OPRM1: variants seen among roughly 807,000 people sequenced by gnomAD.
The protein encoded by OPRM1 is mu-type opioid receptor.
A neutral mutation model predicts 31.8 loss-of-function variants in OPRM1; 27 were observed. That is an observed-to-expected ratio of 0.85 (90% CI 0.63 to 1.17). The LOEUF (loss-of-function observed/expected upper bound fraction) is 1.17. Among genes scored for constraint, OPRM1 ranks in the 50% most tolerant of loss-of-function variants. The pLI is 0.00. For synonymous variants in OPRM1, 196 were observed against 189.9 expected (o/e 1.03, Z -0.26); for missense variants, 536 against 511.1 (o/e 1.05, Z -0.47).
chr6:154,113,323 T>C (rs117573216), intron 3 of OPRM1, among the ~76,000 whole-genome samples: 299 of 152,310 alleles, frequency 2.0e-3, no homozygotes, highest in Non-Finnish European at 3.2e-3. Context: ...CAGCCCTCTT[T>C]ACCTAGGGGA....
At chr6:154,136,595 C>T (rs1021678622), downstream of OPRM1, among the ~76,000 whole-genome samples, 7 of 152,196 alleles carry the variant, frequency 4.6e-5, no homozygotes, top group Admixed American at 2.0e-4. Flanking sequence ...CCCTCAGCCC[C>T]TCCGCTTGGT....
At chr6:154,099,308 A>G (rs9384176) in intron 3 of OPRM1, among the ~76,000 whole-genome samples, 17,715 of 86,830 alleles carry the variant, frequency 0.2, 1,806 homozygotes, top group South Asian at 0.29. Flanking sequence ...AGGAAGGAAG[A>G]AAGGAAGGAA....
chr6:154,244,429 A>G (rs1429124277), intron 3 of OPRM1, among the ~76,000 whole-genome samples: 1 of 152,084 alleles, frequency 6.6e-6, no homozygotes, highest in Non-Finnish European at 1.5e-5. Flanking sequence ...TTCCCTAGCC[A>G]GATAGCGGCA....
Position 154,066,192 on chromosome 6 carries a change from G to T in OPRM1, c.291-23634G>T, listed in dbSNP as rs1327067100. ...TGACAATATTTTGCTGAGGATTTTTGCTTCAATTTTTATAAGGGACATTGG... is the reference window on the plus strand; with the variant it reads ...TGACAATATTTTGCTGAGGATTTTTTCTTCAATTTTTATAAGGGACATTGG... On this transcript the variant is annotated intron_variant, in intron 1 of 3. Coordinates refer to ENST00000330432, the MANE Select transcript of OPRM1 (RefSeq NM_000914.5). Among the ~76,000 whole-genome samples the T allele has an allele frequency of 3.3e-5, 5 of 152,044 alleles. No homozygotes were observed. The South Asian group carries it at 6.2e-4, about 19-fold the overall frequency.
chr6:154,033,000 T>C (rs1396986124), intron 1 of OPRM1, among the ~76,000 whole-genome samples: 1 of 152,278 alleles, frequency 6.6e-6, no homozygotes, highest in Non-Finnish European at 1.5e-5. Flanking sequence ...TATCAGTATA[T>C]AGGTTAAAAT....
intron 1 of OPRM1, chr6:154,046,847 T>C (rs1352124506): frequency 6.6e-6 from 1 of 152,172 alleles, no homozygotes; most frequent in Non-Finnish European, 1.5e-5. Flanking sequence ...TCTTAAACGC[T>C]TTCTAGTACT....
At chr6:154,234,832 T>C (rs948968628) in intron 3 of OPRM1, among the ~76,000 whole-genome samples, 2 of 152,244 alleles carry the variant, frequency 1.3e-5, no homozygotes, top group Non-Finnish European at 2.9e-5. Flanking sequence ...AATTACCTTC[T>C]GAAATGTAAT....
chr6:154,082,920 G>A (rs1789504011), intron 1 of OPRM1, among the ~76,000 whole-genome samples: 1 of 152,122 alleles, frequency 6.6e-6, no homozygotes. Context: ...ATATATGTCA[G>A]AGAATATAAC....
At chr6:154,208,388 A>C (rs1382754837) in intron 3 of OPRM1, among the ~76,000 whole-genome samples, 2 of 152,204 alleles carry the variant, frequency 1.3e-5, no homozygotes, top group Non-Finnish European at 2.9e-5. Context: ...CTCAGCTCTC[A>C]GTCGGACGTG....
intron 3 of OPRM1, among the ~76,000 whole-genome samples, chr6:154,105,237 C>T (rs1795410260): frequency 6.6e-6 from 1 of 152,124 alleles, no homozygotes; most frequent in South Asian, 2.1e-4. Context: ...TAAATATGCT[C>T]CAAATTTTGT....
At chr6:154,036,775 T>C (rs984241861), upstream of OPRM1, among the ~76,000 whole-genome samples, 2 of 151,998 alleles carry the variant, frequency 1.3e-5, no homozygotes, top group Non-Finnish European at 2.9e-5. Flanking sequence ...GCATATATTT[T>C]ATGCCATTAT....
At chr6:154,216,194 A>G (rs1444793972) in intron 3 of OPRM1, among the ~76,000 whole-genome samples, 4 of 152,220 alleles carry the variant, frequency 2.6e-5, no homozygotes, top group Non-Finnish European at 4.4e-5. Context: ...CAAGGCTTGT[A>G]ATGGCAAAAA....
chr6:154,010,986 A>G (rs1777693804), exon 1 of OPRM1: 2 of 1,292,490 alleles, frequency 1.5e-6, no homozygotes, highest in Non-Finnish European at 2.0e-6. Context: ...GAGAAGCAGC[A>G]CAAGGCACAA....
chr6:154,226,157 T>C (rs1386838622), intron 3 of OPRM1, among the ~76,000 whole-genome samples: 1 of 152,188 alleles, frequency 6.6e-6, no homozygotes, highest in Non-Finnish European at 1.5e-5. Context: ...TCCAAAACTC[T>C]CTATGGATGA....
chr6:154,040,440 C>T (rs1027690156), intron 1 of OPRM1, among the ~76,000 whole-genome samples: 1 of 152,148 alleles, frequency 6.6e-6, no homozygotes, highest in African/African-American at 2.4e-5. Context: ...CATCCTGAGG[C>T]AACACTAGGT....
chr6:154,056,016 A>G (rs753911926), intron 1 of OPRM1, among the ~76,000 whole-genome samples: 2 of 152,202 alleles, frequency 1.3e-5, no homozygotes, highest in Non-Finnish European at 2.9e-5. Flanking sequence ...AGGGATTTCT[A>G]ATTTCATCCC....
intron 3 of OPRM1, among the ~76,000 whole-genome samples, chr6:154,199,352 GCATGGGA>G (rs1437932742): frequency 6.6e-6 from 1 of 152,228 alleles, no homozygotes; most frequent in Non-Finnish European, 1.5e-5. Context: ...AGGCTCCAGC[GCATGGGA>G]CATGGGACCA....
chr6:154,150,750 A>C (rs1188612669), intron 3 of OPRM1, among the ~76,000 whole-genome samples: 1 of 152,258 alleles, frequency 6.6e-6, no homozygotes, highest in Non-Finnish European at 1.5e-5. Flanking sequence ...GACATTGAAG[A>C]CTGGCCAAGG....
chr6:154,064,871 A>G (rs1014206856), intron 1 of OPRM1, among the ~76,000 whole-genome samples: 1 of 152,148 alleles, frequency 6.6e-6, no homozygotes, highest in Non-Finnish European at 1.5e-5. Flanking sequence ...TACAAGTACC[A>G]TGCTGTTTTG....
Sources: gnomAD v4.1 joint callset for allele counts (sites outside exome capture counted in the v4.1 genomes callset) on GRCh38, gnomAD v4.1.1 for gene constraint, MANE v1.5 for transcripts, NCBI Gene and HGNC (gene_info 2026-07-23, HGNC 2026-07-21) for gene names.